Variants in ATP2C1 observed in about 807,000 individuals in gnomAD.
The protein encoded by ATP2C1 is calcium-transporting ATPase type 2C member 1.
A neutral mutation model predicts 120.5 loss-of-function variants in ATP2C1; 31 were observed. That is an observed-to-expected ratio of 0.26 (90% confidence interval 0.19 to 0.35). ATP2C1 has a LOEUF of 0.35. Among genes scored for constraint, ATP2C1 ranks in the 10% least tolerant of loss-of-function variants. The pLI, the probability that ATP2C1 is intolerant of heterozygous loss-of-function variation, is 1.00. For synonymous variants in ATP2C1, 351 were observed against 358.7 expected (o/e 0.98, Z 0.24); for missense variants, 731 against 1,107.5 (o/e 0.66, Z 4.83).
chr3:130,921,204 C>T (rs979884541), intron 2 of ATP2C1, among the ~76,000 whole-genome samples: 2 of 151,676 alleles, frequency 1.3e-5, no homozygotes, highest in African/African-American at 4.8e-5. Context: ...GCCTCAGCCT[C>T]CGAAGTAGCT....
rs116460107 is a variant in ATP2C1 at position 130,941,777 on chromosome 3, A to G, written c.531+78A>G. 1,243 of 1,182,400 alleles carry G rather than the reference A, an allele frequency of 1.1e-3. 9 individuals carry two copies. The African/African-American group carries it at 0.016, about 15-fold the overall frequency. 73.2% of individuals were successfully genotyped at this position (1,182,400 alleles called of 1,614,324 possible). ...GGATAAACATTACTAGTTTTAAGGA[A>G]TTAACACATAGTTGATTTGAACCAT... On this transcript the variant is annotated intron_variant, in intron 8 of 27. Coordinates refer to ENST00000510168, the MANE Select transcript of ATP2C1 (RefSeq NM_001378687.1).
chr3:131,005,171 A>G (rs1315705500), downstream of ATP2C1, among the ~76,000 whole-genome samples: 1 of 140,262 alleles, frequency 7.1e-6, no homozygotes, highest in Non-Finnish European at 1.5e-5. Flanking sequence ...GTTGGAGTAC[A>G]GTGGTGTGAT....
chr3:130,918,330 G>A, intron 2 of ATP2C1: 1 of 1,562,536 alleles, frequency 6.4e-7, no homozygotes, highest in South Asian at 1.1e-5. Flanking sequence ...TCAGTCAGGA[G>A]TTGTTGATTC....
chr3:130,975,583 C>G, intron 18 of ATP2C1, 95 bp downstream of exon 18: 2 of 1,382,462 alleles, frequency 1.4e-6, no homozygotes, highest in Middle Eastern at 1.9e-4. Context: ...CTGTCCAACT[C>G]ACTTCCAGGA....
Position 130,934,727 on chromosome 3 carries a change from CAT to C in ATP2C1, c.324+19_324+20del. The C allele has an allele frequency of 6.6e-7, 1 of 1,526,332 alleles. No homozygotes were observed. The highest frequency in any genetic ancestry group is 9.1e-7 in the Non-Finnish European group (1 of 1,100,996). 94.5% of individuals were successfully genotyped at this position (1,526,332 alleles called of 1,614,324 possible). A position where few individuals can be genotyped will look rare whatever the true frequency, so the allele number is the denominator to read the frequency against. The stretch of plus-strand genomic sequence containing the variant: ...TATCACTGTGGTAAGAAAAAAATTA[CAT>C]ATTTTTAATCTGTTGAGTAAGTGTA... On this transcript the variant is annotated intron_variant, in intron 5 of 27. Coordinates refer to ENST00000510168, the MANE Select transcript of ATP2C1 (RefSeq NM_001378687.1).
chr3:130,997,614 T>C lies in ATP2C1; in HGVS notation c.2252T>C (p.Val751Ala). ...MDGPPAQSLG[V>A]EPVDKDVIRK... ...TTCTGTTTGTTTTTAAGCCTTGGAG[T>C]AGAACCAGTGGATAAAGATGTCATT... The change falls in exon 25 of 28, where the codon GTA becomes GCA. Residue 751 changes from valine (V) to alanine (A), a missense_variant. Around this residue, in one of 3 missense-constraint regions of ATP2C1, gnomAD observed 141 missense variants for 201.6 expected, o/e 0.70. Transcript: ENST00000510168. 6.2e-7 allele frequency: 1 copy of C among 1,613,256 alleles called. No homozygotes were observed. The highest frequency in any genetic ancestry group is 8.5e-7 in the Non-Finnish European group (1 of 1,179,670).
At chr3:130,961,645 A>G (rs1277152858) in intron 12 of ATP2C1, among the ~76,000 whole-genome samples, 1 of 152,086 alleles carries the variant, frequency 6.6e-6, no homozygotes, top group Non-Finnish European at 1.5e-5. Context: ...TGTGTTGCCT[A>G]AAGTATTGCA....
intron 14 of ATP2C1, 111 bp from the exon 15 acceptor site, chr3:130,967,034 T>G: frequency 1.2e-6 from 1 of 831,630 alleles, no homozygotes; most frequent in Non-Finnish European, 2.1e-6. Context: ...TTTAACAGTG[T>G]CATTATAAAT....
At chr3:130,932,205 G>GC in intron 4 of ATP2C1, 67 bp downstream of exon 4, 1 of 995,540 alleles carries the variant, frequency 1.0e-6, no homozygotes, top group Non-Finnish European at 1.6e-6. Context: ...TTATGTAGTT[G>GC]CTTACTTTTG....
chr3:130,967,517 A>C, intron 16 of ATP2C1, 98 bp downstream of exon 16: 1 of 1,023,130 alleles, frequency 9.8e-7, no homozygotes, highest in Non-Finnish European at 1.5e-6. Flanking sequence ...TTAGGTATTG[A>C]GTGAAAAAAA....
intron 20 of ATP2C1, among the ~76,000 whole-genome samples, chr3:130,990,016 A>T (rs2062245368): frequency 6.6e-6 from 1 of 152,182 alleles, no homozygotes; most frequent in Non-Finnish European, 1.5e-5. Context: ...TGATATTTGG[A>T]TTGCCTAGGG....
chr3:130,967,441 C>A (rs2061096832), intron 16 of ATP2C1, 22 bp downstream of exon 16: 1 of 1,596,300 alleles, frequency 6.3e-7, no homozygotes, highest in East Asian at 2.2e-5. Flanking sequence ...AATTTCTCTT[C>A]TTTGACATTT....
At chr3:130,882,546 A>G (rs976658858) in intron 1 of ATP2C1, among the ~76,000 whole-genome samples, 9 of 152,078 alleles carry the variant, frequency 5.9e-5, no homozygotes, top group African/African-American at 2.2e-4. Flanking sequence ...CCTAGTTTTT[A>G]AAGGGTTTTA....
At chr3:130,982,909 CCTA>C (rs1224692011) in intron 20 of ATP2C1, among the ~76,000 whole-genome samples, 1 of 152,092 alleles carries the variant, frequency 6.6e-6, no homozygotes, top group Non-Finnish European at 1.5e-5. Flanking sequence ...AATAAGTTAA[CCTA>C]TTATGACTTA....
chr3:130,952,931 T>G (rs569580579), intron 8 of ATP2C1, among the ~76,000 whole-genome samples: 1 of 152,306 alleles, frequency 6.6e-6, no homozygotes, highest in South Asian at 2.1e-4. Context: ...TGTCCTCCTT[T>G]CAGAAGCTTT....
At chr3:130,859,993 A>G (rs1559865608) in intron 1 of ATP2C1, among the ~76,000 whole-genome samples, 2 of 152,220 alleles carry the variant, frequency 1.3e-5, no homozygotes, top group Non-Finnish European at 2.9e-5. Flanking sequence ...TTGTTCCTAC[A>G]TTGTGGGGGC....
chr3:130,966,885 G>A (rs2061068445), intron 14 of ATP2C1, among the ~76,000 whole-genome samples: 1 of 152,052 alleles, frequency 6.6e-6, no homozygotes, highest in African/African-American at 2.4e-5. Context: ...TATTTTCATA[G>A]CTTATTCTTT....
intron 20 of ATP2C1, among the ~76,000 whole-genome samples, chr3:130,982,860 C>G (rs1038675625): frequency 3.3e-5 from 5 of 152,078 alleles, no homozygotes; most frequent in African/African-American, 1.2e-4. Context: ...TGTCTGTAAT[C>G]TAACCCACAC....
At chr3:130,864,161 G>C (rs2068097603) in intron 1 of ATP2C1, among the ~76,000 whole-genome samples, 1 of 152,210 alleles carries the variant, frequency 6.6e-6, no homozygotes, top group South Asian at 2.1e-4. Context: ...GGCTGAGATG[G>C]TCTCAGATGG....
Sources: gnomAD v4.1 joint callset for allele counts (sites outside exome capture counted in the v4.1 genomes callset) on GRCh38, gnomAD v4.1.1 for gene constraint, gnomAD v4.1.1 regional missense constraint, MANE v1.5 for transcripts, NCBI Gene and HGNC (gene_info 2026-07-23, HGNC 2026-07-21) for gene names.